FRMD4A: variants seen among roughly 807,000 people sequenced by gnomAD.
The protein encoded by FRMD4A is FERM domain-containing protein 4A.
In FRMD4A, 29 loss-of-function variants were observed where a neutral mutation model predicts 129.1. The observed-to-expected ratio is 0.22, with a 90% CI of 0.17 to 0.31. FRMD4A has a LOEUF of 0.31. FRMD4A is among the 10% of genes least tolerant of loss of function. The pLI, the probability that FRMD4A is intolerant of heterozygous loss-of-function variation, is 1.00. For synonymous variants in FRMD4A, 634 were observed against 571.6 expected (o/e 1.11, Z -1.56); for missense variants, 1,272 against 1,375.8 (o/e 0.92, Z 1.19).
chr10:14,232,250 C>CT (rs1001252244), intron 2 of FRMD4A, among the ~76,000 whole-genome samples: 9 of 152,208 alleles, frequency 5.9e-5, no homozygotes, highest in Admixed American at 2.0e-4. Flanking sequence ...ACATTTGCAG[C>CT]TTTTTTTCTT....
chr10:14,160,632 G>T (rs1271537738), intron 2 of FRMD4A, among the ~76,000 whole-genome samples: 1 of 152,118 alleles, frequency 6.6e-6, no homozygotes, highest in Admixed American at 6.6e-5. Flanking sequence ...GTGGGCAAAG[G>T]ATCTGAGTAA....
intron 2 of FRMD4A, among the ~76,000 whole-genome samples, chr10:14,142,001 A>G (rs1807008551): frequency 6.6e-6 from 1 of 152,218 alleles, no homozygotes; most frequent in Admixed American, 6.5e-5. Context: ...CTATGTTGCC[A>G]CAAAGAAAGA....
chr10:13,772,276 T>G (rs1014993645), intron 6 of FRMD4A, among the ~76,000 whole-genome samples: 3 of 149,090 alleles, frequency 2.0e-5, no homozygotes, highest in Non-Finnish European at 4.4e-5. Context: ...AGGGCAAACT[T>G]ATACAGGTGA....
chr10:13,707,540 G>T, intron 12 of FRMD4A: 1 of 1,000,896 alleles, frequency 1.0e-6, no homozygotes, highest in African/African-American at 1.7e-5. Flanking sequence ...AGGAGGGAGC[G>T]GTAGCCATCT....
chr10:13,784,112 G>A (rs1261320748), intron 5 of FRMD4A, among the ~76,000 whole-genome samples: 1 of 152,116 alleles, frequency 6.6e-6, no homozygotes, highest in Non-Finnish European at 1.5e-5. Context: ...TGGGTACCTG[G>A]GGCTCTTGGA....
At chr10:14,324,490 G>A (rs1203110664) in intron 2 of FRMD4A, among the ~76,000 whole-genome samples, 1 of 152,084 alleles carries the variant, frequency 6.6e-6, no homozygotes, top group Non-Finnish European at 1.5e-5. Flanking sequence ...TCTCCCCTGG[G>A]CCCCATGCCT....
intron 2 of FRMD4A, among the ~76,000 whole-genome samples, chr10:14,032,621 G>A (rs1178740329): frequency 6.6e-6 from 1 of 152,172 alleles, no homozygotes; most frequent in African/African-American, 2.4e-5. Context: ...AGGCCACCAG[G>A]GGGCGCCAGC....
At position 13,796,389 on chromosome 10, in the gene FRMD4A, G is replaced by A. The variant is rs533209819; in HGVS notation, c.299+107C>T. The A allele has an allele frequency of 6.2e-5, 44 of 708,840 alleles. No homozygotes were observed. The South Asian group carries it at 6.9e-4, about 11-fold the overall frequency. The allele number at this position is 708,840 out of a possible 1,614,324, so 43.9% of individuals were successfully genotyped here. ...TACTACAACCTTTATCCCTGGCAAT[G>A]AACCAAGACAAACTTGAGCTCTCTT... On this transcript the variant is annotated intron_variant, in intron 5 of 24. Coordinates refer to ENST00000357447, the MANE Select transcript of FRMD4A (RefSeq NM_018027.5).
intron 2 of FRMD4A, among the ~76,000 whole-genome samples, chr10:14,138,970 C>A (rs1199090616): frequency 6.6e-6 from 1 of 152,168 alleles, no homozygotes; most frequent in Non-Finnish European, 1.5e-5. Context: ...ACCCCTGCCC[C>A]TTCCCTGGGA....
intron 9 of FRMD4A, among the ~76,000 whole-genome samples, chr10:13,744,089 G>A (rs1006279543): frequency 6.6e-6 from 1 of 152,142 alleles, no homozygotes; most frequent in Non-Finnish European, 1.5e-5. Flanking sequence ...TACATGAAAT[G>A]CATGGGTGAT....
chr10:14,286,869 A>G (rs1040381882), intron 2 of FRMD4A, among the ~76,000 whole-genome samples: 3 of 152,080 alleles, frequency 2.0e-5, no homozygotes, highest in African/African-American at 7.2e-5. Context: ...CCTGGATGGG[A>G]CAAACTTATC....
At chr10:14,266,544 G>T (rs1844987441) in intron 2 of FRMD4A, among the ~76,000 whole-genome samples, 1 of 144,832 alleles carries the variant, frequency 6.9e-6, no homozygotes, top group Non-Finnish European at 1.5e-5. Context: ...GCTATGTAGG[G>T]TTGTTTCACA....
chr10:14,046,421 T>C (rs550839800), intron 2 of FRMD4A, among the ~76,000 whole-genome samples: 6 of 152,120 alleles, frequency 3.9e-5, no homozygotes, highest in African/African-American at 7.2e-5. Flanking sequence ...TGTAGGAATG[T>C]TCTATAATAT....
intron 2 of FRMD4A, among the ~76,000 whole-genome samples, chr10:14,282,540 T>C (rs1339509164): frequency 6.6e-6 from 1 of 152,138 alleles, no homozygotes; most frequent in African/African-American, 2.4e-5. Flanking sequence ...TAATAAATTC[T>C]AATACAGCCC....
intron 2 of FRMD4A, among the ~76,000 whole-genome samples, chr10:14,203,017 C>T (rs1391863064): frequency 2.6e-5 from 4 of 152,086 alleles, no homozygotes; most frequent in Non-Finnish European, 5.9e-5. Context: ...AAATGGTCCA[C>T]CTACCTTGGC....
At chr10:14,150,568 C>T (rs1413202881) in intron 2 of FRMD4A, among the ~76,000 whole-genome samples, 1 of 152,192 alleles carries the variant, frequency 6.6e-6, no homozygotes, top group Non-Finnish European at 1.5e-5. Flanking sequence ...GCCTCTATCT[C>T]ATCAGCAGTT....
chr10:13,832,212 G>A (rs369480131), intron 3 of FRMD4A, among the ~76,000 whole-genome samples: 122 of 151,944 alleles, frequency 8.0e-4, no homozygotes, highest in African/African-American at 2.8e-3. Flanking sequence ...GCTCCCTCTC[G>A]GCCACTCTTC....
At chr10:13,771,976 T>C (rs2130740000) in intron 6 of FRMD4A, among the ~76,000 whole-genome samples, 1 of 151,088 alleles carries the variant, frequency 6.6e-6, no homozygotes, top group East Asian at 1.9e-4. Context: ...TAGCTGGGTG[T>C]GGTGTCGCAT....
chr10:14,207,980 C>T (rs1016696216), intron 2 of FRMD4A, among the ~76,000 whole-genome samples: 2 of 151,976 alleles, frequency 1.3e-5, no homozygotes, highest in East Asian at 3.9e-4. Flanking sequence ...GCCAGGGGAT[C>T]GCTTGAACTT....
Sources: allele counts gnomAD v4.1 joint callset (sites outside exome capture counted in the v4.1 genomes callset), GRCh38; gene constraint gnomAD v4.1.1; transcripts MANE v1.5; gene names NCBI Gene and HGNC (gene_info 2026-07-23, HGNC 2026-07-21).